Variants in FAM107B observed in about 807,000 individuals in gnomAD.
FAM107B encodes the protein family with sequence similarity 107 member B, also known as protein FAM107B.
Under a neutral mutation model 31.5 loss-of-function variants are expected in FAM107B, and 21 were observed. That is an observed-to-expected ratio of 0.67 (90% CI 0.47 to 0.96). The LOEUF (loss-of-function observed/expected upper bound fraction) is 0.96, where lower values mean the gene tolerates loss of function less well. Among genes scored for constraint, FAM107B ranks in the 40% least tolerant of loss-of-function variants. FAM107B has a pLI of 0.00. For missense variants in FAM107B, 452 were observed against 377.1 expected (o/e 1.20, Z -1.64); for synonymous variants, 157 against 141.5 (o/e 1.11, Z -0.78).
intron 2 of FAM107B, among the ~76,000 whole-genome samples, chr10:14,537,850 A>AG (rs567320536): frequency 0.021 from 3,197 of 151,776 alleles, 65 homozygotes; most frequent in East Asian, 0.087. Flanking sequence ...AAAAAAAAAA[A>AG]AAATGAAATG....
intron 1 of FAM107B, among the ~76,000 whole-genome samples, chr10:14,757,745 C>A (rs1832958781): frequency 6.6e-6 from 1 of 152,210 alleles, no homozygotes; most frequent in Admixed American, 6.5e-5. Context: ...TTAAAGCAGG[C>A]AGGGCCTTTT....
rs960746981 is a variant in FAM107B at position 14,550,538 on chromosome 10, A to T, written c.470-20023T>A. Among the ~76,000 whole-genome samples the T allele has an allele frequency of 1.9e-4, 29 of 152,238 alleles. 1 individual carries two copies. The highest frequency in any genetic ancestry group is 1.2e-4 in the Non-Finnish European group (8 of 68,036). On this transcript the variant is annotated intron_variant, in intron 2 of 4. Transcript: ENST00000181796. ...CATCGAGGGATTTAAATCCTACAGC[A>T]GCAGTATGACTCAGGGAAAGAACAG...
chr10:14,680,398 A>C (rs1854802952), intron 1 of FAM107B, among the ~76,000 whole-genome samples: 1 of 151,930 alleles, frequency 6.6e-6, no homozygotes, highest in Non-Finnish European at 1.5e-5. Flanking sequence ...ACATGGCGAA[A>C]CCTCATCTCT....
chr10:14,769,117 G>C (rs1833244318), intron 1 of FAM107B, among the ~76,000 whole-genome samples: 1 of 152,146 alleles, frequency 6.6e-6, no homozygotes, highest in South Asian at 2.1e-4. Context: ...AAATCAAATT[G>C]ACCCTGCTGT....
At chr10:14,624,960 C>T (rs1360597518) in intron 2 of FAM107B, among the ~76,000 whole-genome samples, 3 of 152,150 alleles carry the variant, frequency 2.0e-5, no homozygotes, top group African/African-American at 7.2e-5. Context: ...CGTGGTGGCT[C>T]ACGCCTGTAA....
chr10:14,667,785 T>A, intron 1 of FAM107B, 94 bp from the exon 2 acceptor site: 1 of 1,326,914 alleles, frequency 7.5e-7, no homozygotes. Context: ...CTAATTAATA[T>A]GAGATCAAGA....
At chr10:14,629,416 A>ATT (rs1416431342) in intron 2 of FAM107B, among the ~76,000 whole-genome samples, 12,405 of 21,518 alleles carry the variant, frequency 0.58, 2,183 homozygotes, top group East Asian at 0.71. Flanking sequence ...TTTAATATAT[A>ATT]TAATATATAT....
chr10:14,661,074 G>T (rs933488822), intron 2 of FAM107B, among the ~76,000 whole-genome samples: 1 of 152,108 alleles, frequency 6.6e-6, no homozygotes, highest in Non-Finnish European at 1.5e-5. Flanking sequence ...AGCCATGTAG[G>T]ACCTGCCTAC....
chr10:14,612,785 G>A (rs1852756742), intron 2 of FAM107B, among the ~76,000 whole-genome samples: 1 of 151,978 alleles, frequency 6.6e-6, no homozygotes, highest in South Asian at 2.1e-4. Context: ...GACACACAGA[G>A]AAAGAACAAG....
At chr10:14,571,402 G>A (rs535521989) in intron 2 of FAM107B, among the ~76,000 whole-genome samples, 2 of 152,148 alleles carry the variant, frequency 1.3e-5, no homozygotes, top group African/African-American at 4.8e-5. Context: ...TAATTATCAG[G>A]ATCCTAGACA....
At chr10:14,533,510 G>T (rs1353869223) in intron 2 of FAM107B, among the ~76,000 whole-genome samples, 1 of 152,182 alleles carries the variant, frequency 6.6e-6, no homozygotes, top group Non-Finnish European at 1.5e-5. Flanking sequence ...TCAAGCCTGG[G>T]TGACTCGCTC....
chr10:14,615,119 A>G (rs1434594699), intron 2 of FAM107B, among the ~76,000 whole-genome samples: 1 of 152,180 alleles, frequency 6.6e-6, no homozygotes, highest in African/African-American at 2.4e-5. Flanking sequence ...ACTTGAGGTC[A>G]GGAGTTCGAG....
Position 14,653,458 on chromosome 10 carries a change from C to G in FAM107B, c.469+14176G>C, listed in dbSNP as rs148212829. 4.1e-3 allele frequency among the ~76,000 whole-genome samples: 622 copies of G among 152,286 alleles called. 7 individuals carry two copies. Among genetic ancestry groups the G allele is most frequent in the African/African-American group, 0.014 (587 of 41,554 alleles). On this transcript the variant is annotated intron_variant, in intron 2 of 4. Coordinates refer to ENST00000181796, the MANE Select transcript of FAM107B (RefSeq NM_031453.4). ...GCAAGAACAGAAGCTGTTCTTCACT[C>G]CAGCCTCTCAGGAGCACACAGTGGC...
intron 2 of FAM107B, among the ~76,000 whole-genome samples, chr10:14,639,332 G>T (rs909984995): frequency 6.6e-6 from 1 of 152,102 alleles, no homozygotes; most frequent in Admixed American, 6.5e-5. Flanking sequence ...GCAACCTTAG[G>T]GTTAGGTACC....
chr10:14,625,691 A>G (rs1482437143), intron 2 of FAM107B, among the ~76,000 whole-genome samples: 1 of 152,026 alleles, frequency 6.6e-6, no homozygotes, highest in East Asian at 1.9e-4. Flanking sequence ...TTTCTTGGTC[A>G]TTTTTATGGT....
At chr10:14,565,501 A>G (rs959916280) in intron 2 of FAM107B, among the ~76,000 whole-genome samples, 1 of 152,226 alleles carries the variant, frequency 6.6e-6, no homozygotes, top group African/African-American at 2.4e-5. Flanking sequence ...AATAGAGGAC[A>G]CTGAGGAAGA....
chr10:14,671,479 T>C (rs544134864), intron 1 of FAM107B, among the ~76,000 whole-genome samples: 1 of 152,222 alleles, frequency 6.6e-6, no homozygotes, highest in Admixed American at 6.5e-5. Flanking sequence ...TCCTCCCTGA[T>C]GCAAATGGCA....
chr10:14,717,523 C>G (rs1319964354), intron 1 of FAM107B, among the ~76,000 whole-genome samples: 2 of 152,180 alleles, frequency 1.3e-5, no homozygotes, highest in African/African-American at 4.8e-5. Context: ...AGTCCAAAGG[C>G]TGAAGAACCT....
chr10:14,523,209 T>C (rs983504741), intron 3 of FAM107B, among the ~76,000 whole-genome samples: 3 of 152,280 alleles, frequency 2.0e-5, no homozygotes, highest in African/African-American at 7.2e-5. Flanking sequence ...AATGCTGGAT[T>C]ATCCAGCTCA....
Sources: allele counts gnomAD v4.1 joint callset (sites outside exome capture counted in the v4.1 genomes callset), GRCh38; gene constraint gnomAD v4.1.1; transcripts MANE v1.5; gene names NCBI Gene and HGNC (gene_info 2026-07-23, HGNC 2026-07-21).